DSE: variants seen among roughly 807,000 people sequenced by gnomAD.
The protein encoded by DSE is dermatan-sulfate epimerase.
DSE carries 36 observed loss-of-function variants against 84.4 expected under a neutral mutation model. The observed-to-expected ratio is 0.43, with a 90% CI of 0.33 to 0.56. DSE has a LOEUF of 0.56. Ranked by LOEUF, DSE falls within the 20% of genes least tolerant of loss-of-function variation. The pLI, the probability that DSE is intolerant of heterozygous loss-of-function variation, is 0.06. For synonymous variants in DSE, 410 were observed against 430.1 expected (o/e 0.95, Z 0.58); for missense variants, 862 against 1,169.6 (o/e 0.74, Z 3.84).
intron 2 of DSE, among the ~76,000 whole-genome samples, chr6:116,355,018 C>T (rs1257838721): frequency 1.3e-5 from 2 of 152,106 alleles, no homozygotes; most frequent in African/African-American, 4.8e-5. Context: ...TACATAGACA[C>T]ATACATATAT....
In DSE at chr6:116,426,637, T is replaced by G; in HGVS notation, c.480T>G (p.Thr160=). 1.2e-6 allele frequency: 2 copies of G among 1,614,074 alleles called. No homozygotes were observed. The highest frequency in any genetic ancestry group is 8.5e-7 in the Non-Finnish European group (1 of 1,179,914). Reference sequence around the variant, plus strand: ...CTCACTCCCTGGTTGGTTTTGCCACTGCTTATGACTTCTTGTACAACTACC... The same window carrying G: ...CTCACTCCCTGGTTGGTTTTGCCACGGCTTATGACTTCTTGTACAACTACC... ...PLAHSLVGFA[T]AYDFLYNYLS... The change falls in exon 3 of 6, where the codon ACT becomes ACG. Residue 160 remains threonine, a synonymous_variant. Coordinates refer to ENST00000644252, the MANE Select transcript of DSE (RefSeq NM_013352.4).
In DSE at chr6:116,399,266, C is replaced by CG; in HGVS notation, c.22dup (p.Ala8GlyfsTer93). On this transcript the variant is annotated frameshift_variant, in exon 2 of 6. Transcript: ENST00000644252. LOFTEE classifies it high-confidence loss of function. Reference sequence around the variant, plus strand: ...TGATGCCACGATGAGGACTCACACACGGGGGGCTCCCAGTGTGTTTTTCAT... The same window carrying CG: ...TGATGCCACGATGAGGACTCACACACGGGGGGGCTCCCAGTGTGTTTTTCAT... 6.2e-7 allele frequency: 1 copy of CG among 1,613,878 alleles called. No individual in the cohort carries two copies. The highest frequency in any genetic ancestry group is 8.5e-7 in the Non-Finnish European group (1 of 1,180,032).
At chr6:116,398,048 G>T (rs1403532323) in intron 1 of DSE, among the ~76,000 whole-genome samples, 1 of 152,020 alleles carries the variant, frequency 6.6e-6, no homozygotes, top group Non-Finnish European at 1.5e-5. Context: ...AGCTTGGGAG[G>T]TTGATTTTCC....
At chr6:116,323,572 A>G (rs1308954236) in intron 2 of DSE, among the ~76,000 whole-genome samples, 1 of 152,192 alleles carries the variant, frequency 6.6e-6, no homozygotes, top group Non-Finnish European at 1.5e-5. Flanking sequence ...AAAAACCTTT[A>G]TATTATTATG....
chr6:116,305,615 C>G (rs1775296537), intron 2 of DSE, among the ~76,000 whole-genome samples: 1 of 151,918 alleles, frequency 6.6e-6, no homozygotes, highest in African/African-American at 2.4e-5. Context: ...ATAATTATAC[C>G]GTAGCTATAG....
intron 1 of DSE, among the ~76,000 whole-genome samples, chr6:116,375,806 C>T (rs975425981): frequency 5.9e-5 from 9 of 151,884 alleles, no homozygotes; most frequent in African/African-American, 1.2e-4. Flanking sequence ...GTACTTTTAA[C>T]TTTTTTTTCA....
At chr6:116,345,852 C>T (rs1284980374) in intron 2 of DSE, among the ~76,000 whole-genome samples, 2 of 151,712 alleles carry the variant, frequency 1.3e-5, no homozygotes, top group African/African-American at 4.8e-5. Flanking sequence ...AAAAGATCAA[C>T]AAAATTGATA....
chr6:116,282,656 C>A (rs1489481349), intron 2 of DSE, among the ~76,000 whole-genome samples: 2 of 152,056 alleles, frequency 1.3e-5, no homozygotes, highest in East Asian at 3.9e-4. Context: ...AGTAATGTAT[C>A]TCATGTTCTC....
intron 2 of DSE, among the ~76,000 whole-genome samples, chr6:116,406,961 G>A (rs992801229): frequency 6.6e-6 from 1 of 152,184 alleles, no homozygotes; most frequent in Admixed American, 6.5e-5. Flanking sequence ...TAATATTAGT[G>A]TAGGAGGGAA....
intron 2 of DSE, among the ~76,000 whole-genome samples, chr6:116,285,735 A>G (rs1486619662): frequency 1.3e-5 from 2 of 152,248 alleles, no homozygotes; most frequent in African/African-American, 2.4e-5. Context: ...AGCTTTCTAC[A>G]TATGGCTAGC....
At chr6:116,340,343 T>G (rs918576062) in intron 2 of DSE, among the ~76,000 whole-genome samples, 2 of 152,180 alleles carry the variant, frequency 1.3e-5, no homozygotes, top group Non-Finnish European at 2.9e-5. Flanking sequence ...AGTTCATTGA[T>G]TCTTTCTTCT....
intron 1 of DSE, among the ~76,000 whole-genome samples, chr6:116,393,791 C>T (rs1781061462): frequency 6.6e-6 from 1 of 152,206 alleles, no homozygotes; most frequent in Non-Finnish European, 1.5e-5. Flanking sequence ...GTTTTACTCT[C>T]TACAGGGTGA....
At chr6:116,395,289 G>A (rs777561442) in intron 1 of DSE, among the ~76,000 whole-genome samples, 1 of 152,222 alleles carries the variant, frequency 6.6e-6, no homozygotes, top group Non-Finnish European at 1.5e-5. Context: ...GCTGGGCATG[G>A]TGGTGGGTGC....
At chr6:116,377,178 C>G (rs1049186715) in intron 1 of DSE, among the ~76,000 whole-genome samples, 1 of 152,144 alleles carries the variant, frequency 6.6e-6, no homozygotes, top group African/African-American at 2.4e-5. Flanking sequence ...TTGCTTAAGT[C>G]AGGGCTTTGC....
At chr6:116,417,807 T>C (rs1484744091) in intron 2 of DSE, among the ~76,000 whole-genome samples, 1 of 152,174 alleles carries the variant, frequency 6.6e-6, no homozygotes, top group Non-Finnish European at 1.5e-5. Flanking sequence ...AAAGTAGATA[T>C]TGAAAAAGGA....
intron 2 of DSE, among the ~76,000 whole-genome samples, chr6:116,324,106 C>T (rs1024483359): frequency 1.3e-5 from 2 of 152,198 alleles, no homozygotes; most frequent in Non-Finnish European, 2.9e-5. Flanking sequence ...TCTTACCCCT[C>T]ACCCCAGGCT....
intron 2 of DSE, among the ~76,000 whole-genome samples, chr6:116,307,232 G>A (rs1306293074): frequency 6.6e-6 from 1 of 152,170 alleles, no homozygotes; most frequent in Non-Finnish European, 1.5e-5. Context: ...GGCATAATCT[G>A]AACCTGACCA....
At chr6:116,393,046 G>A (rs1300856464) in intron 1 of DSE, among the ~76,000 whole-genome samples, 1 of 152,122 alleles carries the variant, frequency 6.6e-6, no homozygotes, top group Non-Finnish European at 1.5e-5. Flanking sequence ...ATATAAATGT[G>A]TTACTAAGAA....
Position 116,441,619 on chromosome 6 carries a change from GA to G in DSE, c.*4275del, listed in dbSNP as rs1429366531. ...GTCAGGGTAAGGAGACTGGGAAGAG[GA>G]GGCCATAATTTTAAATGTGGTGATC... On this transcript the variant is annotated 3_prime_UTR_variant, in exon 6 of 6. Transcript: ENST00000644252. The G allele has an allele frequency of 6.6e-6, 1 of 152,180 alleles. No individual in the cohort carries two copies. Among genetic ancestry groups the G allele is most frequent in the Non-Finnish European group, 1.5e-5 (1 of 68,034 alleles). 9.4% of individuals were successfully genotyped at this position (152,180 alleles called of 1,614,324 possible).
Sources: allele counts gnomAD v4.1 joint callset (sites outside exome capture counted in the v4.1 genomes callset), GRCh38; gene constraint gnomAD v4.1.1; transcripts MANE v1.5; gene names NCBI Gene and HGNC (gene_info 2026-07-23, HGNC 2026-07-21).